The following CTNND2 variants were observed in gnomAD, a reference collection of about 807,000 sequenced individuals.
CTNND2 encodes the protein catenin delta-2.
CTNND2 carries 22 observed loss-of-function variants against 144.4 expected under a neutral mutation model. That is an observed-to-expected ratio of 0.15 (90% CI 0.11 to 0.22). The LOEUF (loss-of-function observed/expected upper bound fraction) is 0.22, where lower values mean the gene tolerates loss of function less well. Among genes scored for constraint, CTNND2 ranks in the 10% least tolerant of loss-of-function variants. The pLI is 1.00. For missense variants in CTNND2, 1,353 were observed against 1,618.8 expected (o/e 0.84, Z 2.82); for synonymous variants, 751 against 695.6 (o/e 1.08, Z -1.25).
At chr5:11,189,795 T>TAATG (rs1736057936) in intron 11 of CTNND2, among the ~76,000 whole-genome samples, 1 of 152,166 alleles carries the variant, frequency 6.6e-6, no homozygotes, top group Non-Finnish European at 1.5e-5. Context: ...GCAATTTGTT[T>TAATG]AATGAATGAA....
intron 7 of CTNND2, among the ~76,000 whole-genome samples, chr5:11,378,393 G>A (rs779035667): frequency 6.6e-6 from 1 of 152,170 alleles, no homozygotes; most frequent in Non-Finnish European, 1.5e-5. Context: ...GGTCTAGTTC[G>A]AAAGAACCCC....
chr5:10,974,613 C>T (rs148809202), intron 21 of CTNND2, among the ~76,000 whole-genome samples: 69 of 152,300 alleles, frequency 4.5e-4, no homozygotes, highest in Middle Eastern at 3.4e-3. Flanking sequence ...GTTAACCCTA[C>T]AGCAAGTGCA....
chr5:11,707,609 C>T (rs947213660), intron 2 of CTNND2, among the ~76,000 whole-genome samples: 2 of 152,156 alleles, frequency 1.3e-5, no homozygotes, highest in African/African-American at 4.8e-5. Flanking sequence ...AAACCAGGAA[C>T]ACAGGACACA....
intron 10 of CTNND2, among the ~76,000 whole-genome samples, chr5:11,230,378 A>AT (rs1561057785): frequency 1.3e-5 from 2 of 150,952 alleles, no homozygotes; most frequent in Non-Finnish European, 3.0e-5. Context: ...TAAAAAAAAA[A>AT]TCCGCAAAAG....
intron 2 of CTNND2, among the ~76,000 whole-genome samples, chr5:11,634,000 A>G (rs1373599495): frequency 6.6e-6 from 1 of 151,984 alleles, no homozygotes. Context: ...TCTGTCCAAT[A>G]CCCAGTCAAC....
Position 11,835,058 on chromosome 5 carries a change from A to G in CTNND2, c.37+68759T>C, listed in dbSNP as rs114469592. ...GAGGCTGAGATGGGAGGATCACCTA[A>G]GCCTGGGAGGTGGAGGCTGCGGTAA... On this transcript the variant is annotated intron_variant, in intron 1 of 21. Coordinates refer to ENST00000304623, the MANE Select transcript of CTNND2 (RefSeq NM_001332.4). Among the ~76,000 whole-genome samples, 1,178 of 152,350 alleles carry G rather than the reference A, an allele frequency of 7.7e-3. 12 individuals carry two copies. The highest frequency in any genetic ancestry group is 0.026 in the African/African-American group (1,100 of 41,580).
chr5:11,870,640 C>T (rs982597629), intron 1 of CTNND2, among the ~76,000 whole-genome samples: 3 of 152,204 alleles, frequency 2.0e-5, no homozygotes, highest in Non-Finnish European at 2.9e-5. Flanking sequence ...GAAAACCTGT[C>T]CTTTCCACAT....
intron 2 of CTNND2, among the ~76,000 whole-genome samples, chr5:11,704,288 C>T (rs1206992258): frequency 6.6e-6 from 1 of 152,236 alleles, no homozygotes; most frequent in Non-Finnish European, 1.5e-5. Context: ...ACATTCACTA[C>T]AGGAAGACTA....
chr5:11,261,023 G>A (rs1012842266), intron 9 of CTNND2, among the ~76,000 whole-genome samples: 5 of 152,022 alleles, frequency 3.3e-5, no homozygotes, highest in Non-Finnish European at 4.4e-5. Flanking sequence ...GGTCTGGCTC[G>A]GTGCATGCAG....
At chr5:11,184,599 T>C (rs1188013559) in intron 11 of CTNND2, among the ~76,000 whole-genome samples, 1 of 152,232 alleles carries the variant, frequency 6.6e-6, no homozygotes, top group East Asian at 1.9e-4. Context: ...TCCATGGTTT[T>C]TAAATTGCCT....
chr5:11,683,219 C>A (rs1387858422), intron 2 of CTNND2, among the ~76,000 whole-genome samples: 1 of 152,132 alleles, frequency 6.6e-6, no homozygotes, highest in African/African-American at 2.4e-5. Context: ...TTTAAATATT[C>A]TTTTAAAAGC....
intron 2 of CTNND2, among the ~76,000 whole-genome samples, chr5:11,603,757 T>A (rs1275479168): frequency 6.6e-6 from 1 of 152,220 alleles, no homozygotes; most frequent in African/African-American, 2.4e-5. Flanking sequence ...TTATTATCAT[T>A]CTACAAATAG....
intron 16 of CTNND2, among the ~76,000 whole-genome samples, chr5:11,024,206 T>C (rs1441791434): frequency 3.9e-5 from 6 of 152,244 alleles, no homozygotes; most frequent in African/African-American, 1.4e-4. Context: ...CAGGCCCTTG[T>C]AATTTTGGTA....
At chr5:11,591,607 G>C (rs438874) in intron 2 of CTNND2, among the ~76,000 whole-genome samples, 120,550 of 151,628 alleles carry the variant, frequency 0.8, 48,365 homozygotes, top group Middle Eastern at 0.92. Flanking sequence ...CATGCCTCCT[G>C]TGTCCTATGA....
chr5:11,612,618 G>T (rs1180683613), intron 2 of CTNND2, among the ~76,000 whole-genome samples: 2 of 152,186 alleles, frequency 1.3e-5, no homozygotes, highest in Admixed American at 6.5e-5. Context: ...ATCAAAAATA[G>T]GTTGGGTACA....
Position 11,269,541 on chromosome 5 carries a change from G to A in CTNND2, c.1629-32718C>T, listed in dbSNP as rs574222966. 1.3e-3 allele frequency among the ~76,000 whole-genome samples: 204 copies of A among 152,276 alleles called. 1 individual carries two copies. Among genetic ancestry groups the A allele is most frequent in the African/African-American group, 4.6e-3 (193 of 41,556 alleles). Reference sequence around the variant, plus strand: ...CTAATATTCAACTGGACCACAGCACGTATTTAACTCATTGTACTGTAATGG... The same window carrying A: ...CTAATATTCAACTGGACCACAGCACATATTTAACTCATTGTACTGTAATGG... On this transcript the variant is annotated intron_variant, in intron 9 of 21. Transcript: ENST00000304623.
chr5:11,344,574 T>C (rs1049629091), intron 9 of CTNND2, among the ~76,000 whole-genome samples: 7 of 152,154 alleles, frequency 4.6e-5, no homozygotes, highest in African/African-American at 1.4e-4. Context: ...CTTTTCTTTT[T>C]TTTGGGGGGT....
chr5:11,300,879 G>A (rs978654319), intron 9 of CTNND2, among the ~76,000 whole-genome samples: 4 of 152,132 alleles, frequency 2.6e-5, no homozygotes, highest in Non-Finnish European at 5.9e-5. Context: ...TTCAGAACAC[G>A]GGCCTGCAGC....
chr5:11,037,302 A>AT (rs1230300968), intron 16 of CTNND2, among the ~76,000 whole-genome samples: 5 of 152,136 alleles, frequency 3.3e-5, no homozygotes, highest in South Asian at 2.1e-4. Flanking sequence ...GTGGTTTCTG[A>AT]TTTTTTGTCA....
Sources: allele counts gnomAD v4.1 joint callset (sites outside exome capture counted in the v4.1 genomes callset), GRCh38; gene constraint gnomAD v4.1.1; transcripts MANE v1.5; gene names NCBI Gene and HGNC (gene_info 2026-07-23, HGNC 2026-07-21).